The following SWT1 variants were observed in gnomAD, a reference collection of about 807,000 sequenced individuals.
The protein encoded by SWT1 is transcriptional protein SWT1.
In SWT1, 33 loss-of-function variants were observed where a neutral mutation model predicts 107.3. The observed-to-expected ratio is 0.31, with a 90% confidence interval of 0.23 to 0.41. SWT1 has a LOEUF of 0.41. SWT1 is among the 10% of genes least tolerant of loss of function. The pLI is 1.00. For synonymous variants in SWT1, 345 were observed against 348.3 expected (o/e 0.99, Z 0.11); for missense variants, 898 against 1,028.9 (o/e 0.87, Z 1.74).
chr1:185,252,115 CA>C (rs1241330985), intron 16 of SWT1, among the ~76,000 whole-genome samples: 1 of 152,214 alleles, frequency 6.6e-6, no homozygotes, highest in Non-Finnish European at 1.5e-5. Flanking sequence ...ATGAACTCAT[CA>C]TTTTTTATGG....
chr1:185,284,888 T>TTC (rs1664857770), intron 18 of SWT1, among the ~76,000 whole-genome samples: 1 of 151,434 alleles, frequency 6.6e-6, no homozygotes, highest in Admixed American at 6.6e-5. Context: ...CAGATAAGTG[T>TTC]CTTTTTTTTT....
Position 185,174,548 on chromosome 1 carries a change from A to G in SWT1, c.401A>G (p.Asp134Gly). Reference protein sequence around the residue: ...IHKCVDFKPKDIKLTNAGSKL... With the variant: ...IHKCVDFKPKGIKLTNAGSKL... The stretch of plus-strand genomic sequence containing the variant: ...AAATGTGTAGACTTTAAACCTAAAG[A>G]TATCAAATTGACAAATGCTGGGAGC... Residue 134 changes from aspartate to glycine, a missense_variant, in exon 5 of 19, where the codon GAT becomes GGT. Physicochemically the swap from Asp to Gly is moderately conservative, Grantham distance 94. Coordinates refer to ENST00000367500, the MANE Select transcript of SWT1 (RefSeq NM_017673.7). 1.2e-6 allele frequency: 2 copies of G among 1,608,092 alleles called. No individual in the cohort carries two copies. The highest frequency in any genetic ancestry group is 8.5e-7 in the Non-Finnish European group (1 of 1,178,412).
chr1:185,208,652 G>C lies in SWT1; in HGVS notation c.1972+1889G>C, dbSNP rs150628181. Among the ~76,000 whole-genome samples the C allele has an allele frequency of 2.4e-3, 367 of 150,724 alleles. 1 individual carries two copies. The highest frequency in any genetic ancestry group is 8.6e-3 in the African/African-American group (357 of 41,288). ...TTATTATGTGTCAACCATAAATAAAGTAAGTCGATAAATAAATATTTCCCC... is the reference window on the plus strand; with the variant it reads ...TTATTATGTGTCAACCATAAATAAACTAAGTCGATAAATAAATATTTCCCC... On this transcript the variant is annotated intron_variant, in intron 13 of 18. Transcript: ENST00000367500.
chr1:185,192,642 C>T (rs1170051343), intron 10 of SWT1, among the ~76,000 whole-genome samples: 1 of 151,110 alleles, frequency 6.6e-6, no homozygotes, highest in East Asian at 1.9e-4. Context: ...ACGTCTGTAA[C>T]GCCTCTCTTT....
intron 18 of SWT1, among the ~76,000 whole-genome samples, chr1:185,288,094 AT>A (rs1369250207): frequency 1.3e-5 from 2 of 152,196 alleles, no homozygotes; most frequent in African/African-American, 4.8e-5. Flanking sequence ...GAAAACATTT[AT>A]ATCTCTGCTA....
chr1:185,226,188 T>TACA (rs1660039097), intron 15 of SWT1, among the ~76,000 whole-genome samples: 1 of 152,204 alleles, frequency 6.6e-6, no homozygotes. Context: ...GTACATGCAT[T>TACA]TGTGTTGGAT....
intron 16 of SWT1, among the ~76,000 whole-genome samples, chr1:185,258,183 A>G (rs1233318517): frequency 6.6e-6 from 1 of 152,090 alleles, no homozygotes; most frequent in Non-Finnish European, 1.5e-5. Context: ...AACGTAATAA[A>G]TGTGTACTTG....
chr1:185,218,000 A>T (rs1287010083), intron 14 of SWT1, among the ~76,000 whole-genome samples: 1 of 152,240 alleles, frequency 6.6e-6, no homozygotes, highest in East Asian at 1.9e-4. Flanking sequence ...TTACCCGTCC[A>T]TGGAAAAATT....
intron 11 of SWT1, 34 bp downstream of exon 11, chr1:185,202,833 T>G: frequency 8.3e-7 from 1 of 1,209,886 alleles, no homozygotes; most frequent in Non-Finnish European, 1.1e-6. Context: ...TAGAGATATA[T>G]CTTATTTTAT....
chr1:185,235,497 T>C (rs926590204), intron 16 of SWT1, among the ~76,000 whole-genome samples: 9 of 152,156 alleles, frequency 5.9e-5, no homozygotes, highest in African/African-American at 2.2e-4. Context: ...AAAAGGCCTT[T>C]GACAAAATTC....
At chr1:185,229,602 G>T (rs148197818) in intron 15 of SWT1, among the ~76,000 whole-genome samples, 3 of 150,910 alleles carry the variant, frequency 2.0e-5, no homozygotes, top group Non-Finnish European at 2.9e-5. Context: ...TTTCTCTCTC[G>T]GTCTCCTCCT....
intron 16 of SWT1, among the ~76,000 whole-genome samples, chr1:185,233,129 T>C (rs1660613626): frequency 6.6e-6 from 1 of 152,196 alleles, no homozygotes; most frequent in Non-Finnish European, 1.5e-5. Context: ...GTCTGTGTCC[T>C]CTAGGTGATT....
intron 13 of SWT1, among the ~76,000 whole-genome samples, chr1:185,208,479 G>A (rs1328722090): frequency 1.3e-5 from 2 of 152,098 alleles, no homozygotes; most frequent in Non-Finnish European, 2.9e-5. Context: ...TACGTATTGT[G>A]TATTTCAAAA....
intron 11 of SWT1, among the ~76,000 whole-genome samples, chr1:185,203,806 A>G (rs879656412): frequency 6.6e-6 from 1 of 152,124 alleles, no homozygotes; most frequent in Non-Finnish European, 1.5e-5. Flanking sequence ...TGCATTTTAT[A>G]TATAATTGTG....
chr1:185,208,598 A>C (rs1433298959), intron 13 of SWT1, among the ~76,000 whole-genome samples: 2 of 152,228 alleles, frequency 1.3e-5, no homozygotes, highest in African/African-American at 2.4e-5. Context: ...ATGTCAAAAC[A>C]TCACATTGTA....
chr1:185,250,950 A>G (rs9662070), intron 16 of SWT1, among the ~76,000 whole-genome samples: 20,680 of 152,248 alleles, frequency 0.14, 1,585 homozygotes, highest in South Asian at 0.2. Flanking sequence ...GGTATGAGCC[A>G]CTGCACCCGG....
At position 185,158,979 on chromosome 1, in the gene SWT1, T is replaced by C. The variant is rs78655772; in HGVS notation, c.-10+1665T>C. On this transcript the variant is annotated intron_variant, in intron 1 of 18. Coordinates refer to ENST00000367500, the MANE Select transcript of SWT1 (RefSeq NM_017673.7). ...TTCAAAGGTAACACACTCACATGCC[T>C]GGCTGTTAGTTGGTTCTGGTTGTTG... 5.6e-3 allele frequency among the ~76,000 whole-genome samples: 857 copies of C among 152,294 alleles called. 35 individuals are homozygous for C. In the East Asian group the frequency reaches 0.091, roughly 16 times the overall value.
chr1:185,254,620 G>A (rs1662329039), intron 16 of SWT1, among the ~76,000 whole-genome samples: 1 of 151,542 alleles, frequency 6.6e-6, no homozygotes, highest in South Asian at 2.1e-4. Context: ...GGGATTGGTG[G>A]TGATATCCCC....
intron 17 of SWT1, among the ~76,000 whole-genome samples, chr1:185,272,972 G>T (rs2102739379): frequency 6.6e-6 from 1 of 152,010 alleles, no homozygotes; most frequent in African/African-American, 2.4e-5. Flanking sequence ...GGTCAAGGCT[G>T]CAGTGAGCCA....
Sources: gnomAD v4.1 joint callset for allele counts (sites outside exome capture counted in the v4.1 genomes callset) on GRCh38, gnomAD v4.1.1 for gene constraint, MANE v1.5 for transcripts, NCBI Gene and HGNC (gene_info 2026-07-23, HGNC 2026-07-21) for gene names.